EPN3: variants seen among roughly 807,000 people sequenced by gnomAD.
The protein encoded by EPN3 is epsin 3.
In EPN3, 56 loss-of-function variants were observed where a neutral mutation model predicts 55.5. The ratio of observed to expected loss-of-function variants is 1.01; its 90% CI spans 0.81 to 1.26. The LOEUF (loss-of-function observed/expected upper bound fraction) is 1.26. Ranked by LOEUF, EPN3 falls within the 50% of genes most tolerant of loss-of-function variation. The probability of loss-of-function intolerance (pLI) is 0.00; values close to 1 mark genes in which losing one functional copy is unlikely to be tolerated. For missense variants in EPN3, 927 were observed against 853.4 expected (o/e 1.09, Z -1.07); for synonymous variants, 449 against 375.2 (o/e 1.20, Z -2.27).
Position 50,539,000 on chromosome 17 carries a change from T to G in EPN3, c.762+36T>G, listed in dbSNP as rs771320725. On this transcript the variant is annotated intron_variant, in intron 4 of 9. Coordinates refer to ENST00000268933, the MANE Select transcript of EPN3 (RefSeq NM_017957.3). ...GAGCCCGCTGGGCTGCCGGTGCTGC[T>G]GCTGCTGCTGGTGGAGGTGCTTCAG... is the stretch of plus-strand genomic sequence containing the variant. The G allele has an allele frequency of 1.0e-5, 16 of 1,567,314 alleles. No individual in the cohort carries two copies. The East Asian group carries it at 2.7e-4, about 27-fold the overall frequency.
At chr17:50,539,474 A>C (rs1222637559) in intron 5 of EPN3, among the ~76,000 whole-genome samples, 159 bp downstream of exon 5, 1 of 152,198 alleles carries the variant, frequency 6.6e-6, no homozygotes, top group Non-Finnish European at 1.5e-5. Context: ...CCCACATTGC[A>C]TGGGCTGGTG....
At chr17:50,540,107 T>G in intron 5 of EPN3, 140 bp from the exon 6 acceptor site, 3 of 595,346 alleles carry the variant, frequency 5.0e-6, no homozygotes, top group South Asian at 2.3e-5. Flanking sequence ...TGTAAAGCAC[T>G]GTGCAGAGGT....
intron 1 of EPN3, 107 bp from the exon 2 acceptor site, chr17:50,536,314 T>C: frequency 2.3e-6 from 2 of 886,786 alleles, no homozygotes; most frequent in South Asian, 4.0e-5. Context: ...CTGAAGGCTG[T>C]CCCTGGAGGC....
intron 6 of EPN3, 45 bp from the exon 7 acceptor site, chr17:50,540,748 G>A (rs1197772617): frequency 3.9e-6 from 6 of 1,544,370 alleles, no homozygotes; most frequent in South Asian, 1.2e-5. Flanking sequence ...CTGGGCGAGG[G>A]ATAAGGGTGG....
In EPN3 at chr17:50,541,613, C is replaced by A. The variant is rs755593633; in HGVS notation, c.1504C>A (p.Pro502Thr). The A allele has an allele frequency of 3.1e-6, 5 of 1,614,186 alleles. No individual in the cohort carries two copies. The South Asian group carries it at 3.3e-5, about 11-fold the overall frequency. The stretch of plus-strand genomic sequence containing the variant: ...CCGGACTCCCGAGTCCTTCCTGGGT[C>A]CCTCAGCTTCCTCCTTGGTCAACCT... ...ACRTPESFLGPSASSLVNLDS... is the reference protein window; with the variant it reads ...ACRTPESFLGTSASSLVNLDS... The change falls in exon 9 of 10, where the codon CCC (proline) becomes ACC (threonine). Residue 502 changes from proline (P) to threonine (T), a missense_variant. Pro to Thr is a conservative substitution (Grantham distance 38). Transcript: ENST00000268933.
At chr17:50,533,486 G>A (rs2034708955) in intron 1 of EPN3, among the ~76,000 whole-genome samples, 1 of 152,214 alleles carries the variant, frequency 6.6e-6, no homozygotes, top group African/African-American at 2.4e-5. Flanking sequence ...CCTTAGCAGA[G>A]GACGGGAAGA....
At position 50,540,819 on chromosome 17, in the gene EPN3, G is replaced by A. The variant is rs2034838058; in HGVS notation, c.1006G>A (p.Gly336Arg). Residue 336 changes from glycine to arginine, a missense_variant, in exon 7 of 10, where the codon GGA (glycine) becomes AGA (arginine). Transcript: ENST00000268933. ...TTTTAGGCCGAACACAGAGGCCAGTGGATCCTCCTGGGGGCCTTCTGCAGA... is the reference window on the plus strand; with the variant it reads ...TTTTAGGCCGAACACAGAGGCCAGTAGATCCTCCTGGGGGCCTTCTGCAGA... ...PGFRPNTEASGSSWGPSADPW... is the reference protein window; with the variant it reads ...PGFRPNTEASRSSWGPSADPW... The A allele has an allele frequency of 6.2e-7, 1 of 1,612,576 alleles. No homozygotes were observed.
intron 1 of EPN3, among the ~76,000 whole-genome samples, chr17:50,535,147 G>A (rs2034741025): frequency 6.6e-6 from 1 of 152,200 alleles, no homozygotes; most frequent in Non-Finnish European, 1.5e-5. Flanking sequence ...TCCCTGCTGG[G>A]GTACCAGAGG....
Position 50,537,131 on chromosome 17 carries a change from C to G in EPN3, c.562+13C>G. 1 of 1,569,526 alleles carries G rather than the reference C, an allele frequency of 6.4e-7. No individual in the cohort carries two copies. Among genetic ancestry groups the G allele is most frequent in the Non-Finnish European group, 8.6e-7 (1 of 1,158,554 alleles). ...TCCTCCTACAACTGTGAGTAAGCCC[C>G]GGTGTGTGGCTGGGATGGGGAGGTG... On this transcript the variant is annotated intron_variant, in intron 2 of 9. Transcript: ENST00000268933.
chr17:50,538,236 G>A (rs1202335600), intron 3 of EPN3, 39 bp downstream of exon 3: 1 of 1,542,442 alleles, frequency 6.5e-7, no homozygotes, highest in Non-Finnish European at 8.9e-7. Context: ...GGAGGGGATG[G>A]GCTAGGGGGA....
Position 50,540,233 on chromosome 17 carries a change from T to C in EPN3, c.892-14T>C, listed in dbSNP as rs1295503206. On this transcript the variant is annotated splice_polypyrimidine_tract_variant and intron_variant, in intron 5 of 9. Transcript: ENST00000268933. ...CGCCCACTTCTGAGCCGCGGCTGCC[T>C]CTCCCCTCCACAGTCCTCCATCCTG... is the stretch of plus-strand genomic sequence containing the variant. The C allele has an allele frequency of 6.2e-7, 1 of 1,610,072 alleles. No homozygotes were observed. The highest frequency in any genetic ancestry group is 8.5e-7 in the Non-Finnish European group (1 of 1,179,180).
At chr17:50,540,618 C>A (rs577471329) in intron 6 of EPN3, among the ~76,000 whole-genome samples, 175 bp from the exon 7 acceptor site, 1 of 152,338 alleles carries the variant, frequency 6.6e-6, no homozygotes, top group African/African-American at 2.4e-5. Flanking sequence ...CTGCAGGTCC[C>A]AGTTCCTGGG....
In EPN3 at chr17:50,540,982, C is replaced by T. The variant is rs763970070; in HGVS notation, c.1169C>T (p.Ala390Val). ...GGGCCCCCCACCACAGACCCCTGGG[C>T]CCTGAACTCTCCCCACCACAAACTC... ...PAGPPTTDPW[A>V]LNSPHHKLPS... is the part of the protein sequence containing the mutation. The change falls in exon 7 of 10, where the codon GCC (alanine) becomes GTC (valine). Residue 390 changes from alanine to valine, a missense_variant. By Grantham distance (64) the Ala-to-Val change is moderately conservative. Coordinates refer to ENST00000268933, the MANE Select transcript of EPN3 (RefSeq NM_017957.3). 1.1e-5 allele frequency: 18 copies of T among 1,610,980 alleles called. No homozygotes were observed. The highest frequency in any genetic ancestry group is 1.4e-5 in the Non-Finnish European group (17 of 1,178,950).
At chr17:50,534,594 C>A (rs565401801) in intron 1 of EPN3, 3 of 985,344 alleles carry the variant, frequency 3.0e-6, no homozygotes, top group Non-Finnish European at 3.6e-6. Flanking sequence ...AAGTTGTGGC[C>A]GTGGCATTCC....
In EPN3 at chr17:50,542,067, A is replaced by G. The variant is rs1177661299; in HGVS notation, c.1809A>G (p.Gly603=). Residue 603 remains glycine, a synonymous_variant, in exon 10 of 10, where the codon GGA becomes GGG. Coordinates refer to ENST00000268933, the MANE Select transcript of EPN3 (RefSeq NM_017957.3). ...CGGTTAGCGTCTTCCCGCAGGCCGG[A>G]GCCTTCGCACCGCAGCCGCTGCTGC... ...PASVSVFPQA[G]AFAPQPLLPT... 1 of 1,588,728 alleles carries G rather than the reference A, an allele frequency of 6.3e-7. No homozygotes were observed. The highest frequency in any genetic ancestry group is 1.7e-5 in the Admixed American group (1 of 59,384).
rs2034873092 is a variant in EPN3 at position 50,543,355 on chromosome 17, CTGGTA to C, written c.*1199_*1203del. 6.6e-6 allele frequency: 1 copy of C among 152,326 alleles called. No homozygotes were observed. Among genetic ancestry groups the C allele is most frequent in the Non-Finnish European group, 1.5e-5 (1 of 68,124 alleles). 9.4% of individuals were successfully genotyped at this position (152,326 alleles called of 1,614,324 possible). A position where few individuals can be genotyped will look rare whatever the true frequency, so the allele number is the denominator to read the frequency against. On this transcript the variant is annotated 3_prime_UTR_variant, in exon 10 of 10. Transcript: ENST00000268933. ...TGGGAAACCAAGGGTGGGGTGAGGC[CTGGTA>C]CTCAATCCAGGAGGGGCCCCTATGA...
At chr17:50,537,691 T>C (rs75344201) in intron 2 of EPN3, among the ~76,000 whole-genome samples, 3,965 of 152,332 alleles carry the variant, frequency 0.026, 74 homozygotes, top group South Asian at 0.069. Flanking sequence ...CCTTGACAGT[T>C]TGCTGAGGGC....
intron 3 of EPN3, 114 bp downstream of exon 3, chr17:50,538,311 C>A: frequency 1.3e-6 from 1 of 766,350 alleles, no homozygotes; most frequent in Non-Finnish European, 2.1e-6. Flanking sequence ...AGTCCTGTGC[C>A]CAAGGACAGC....
At chr17:50,537,489 T>C (rs1362647688) in intron 2 of EPN3, 2 of 266,868 alleles carry the variant, frequency 7.5e-6, no homozygotes, top group Non-Finnish European at 1.4e-5. Context: ...CTCACCTACC[T>C]CCATTGTTTG....
Sources: allele counts gnomAD v4.1 joint callset (sites outside exome capture counted in the v4.1 genomes callset), GRCh38; gene constraint gnomAD v4.1.1; transcripts MANE v1.5; gene names NCBI Gene and HGNC (gene_info 2026-07-23, HGNC 2026-07-21).